The following ERG variants were observed in gnomAD, a reference collection of about 807,000 sequenced individuals.
ERG encodes ETS transcription factor ERG.
Under a neutral mutation model 55.3 loss-of-function variants are expected in ERG, and 9 were observed. The observed-to-expected ratio is 0.16, with a 90% CI of 0.10 to 0.28. ERG has a LOEUF of 0.28. Among genes scored for constraint, ERG ranks in the 10% least tolerant of loss-of-function variants. The pLI is 1.00. For synonymous variants in ERG, 223 were observed against 237.3 expected (o/e 0.94, Z 0.55); for missense variants, 434 against 631.6 (o/e 0.69, Z 3.35).
intron 2 of ERG, among the ~76,000 whole-genome samples, chr21:38,557,188 T>C (rs1209571597): frequency 1.3e-5 from 2 of 152,202 alleles, no homozygotes; most frequent in African/African-American, 4.8e-5. Context: ...GTTCTATCCT[T>C]CAGAGTGCTA....
chr21:38,445,802 T>A (rs1026043670), intron 1 of ERG, among the ~76,000 whole-genome samples, 181 bp from the exon 2 acceptor site: 1 of 152,012 alleles, frequency 6.6e-6, no homozygotes. Context: ...CAGTAAGAGT[T>A]AGAAATGCCA....
chr21:38,520,020 T>TAC (rs376769671), intron 2 of ERG, among the ~76,000 whole-genome samples: 1,808 of 137,276 alleles, frequency 0.013, 36 homozygotes, highest in African/African-American at 0.048. Flanking sequence ...CACACACACA[T>TAC]ACACACACAC....
chr21:38,422,855 T>C (rs1569085578), intron 3 of ERG, among the ~76,000 whole-genome samples: 1 of 152,230 alleles, frequency 6.6e-6, no homozygotes, highest in Non-Finnish European at 1.5e-5. Context: ...CCCACATGTT[T>C]ATTTTTCCAG....
intron 9 of ERG, among the ~76,000 whole-genome samples, chr21:38,385,678 A>G (rs1987663499): frequency 6.6e-6 from 1 of 152,234 alleles, no homozygotes; most frequent in South Asian, 2.1e-4. Flanking sequence ...TTGAAGTGGA[A>G]GCCTTTGCTT....
At chr21:38,649,236 G>GC (rs2060474504) in intron 1 of ERG, among the ~76,000 whole-genome samples, 2 of 152,154 alleles carry the variant, frequency 1.3e-5, no homozygotes, top group African/African-American at 4.8e-5. Context: ...GCTGCGGCAG[G>GC]CAGCACCCAG....
chr21:38,548,956 C>G (rs2059806275), intron 2 of ERG, among the ~76,000 whole-genome samples: 2 of 150,614 alleles, frequency 1.3e-5, no homozygotes, highest in South Asian at 4.2e-4. Flanking sequence ...TAAAAAAATA[C>G]AAAAAAATTA....
chr21:38,489,053 G>C (rs1453442741), intron 1 of ERG, among the ~76,000 whole-genome samples: 1 of 152,210 alleles, frequency 6.6e-6, no homozygotes, highest in Non-Finnish European at 1.5e-5. Context: ...TCCACTGGGA[G>C]CCCTTCCTGC....
chr21:38,573,401 G>A (rs1423267679), intron 2 of ERG, among the ~76,000 whole-genome samples: 1 of 152,208 alleles, frequency 6.6e-6, no homozygotes, highest in Non-Finnish European at 1.5e-5. Flanking sequence ...GGAACTGAAT[G>A]TCTCAGTATA....
intron 1 of ERG, among the ~76,000 whole-genome samples, chr21:38,653,811 T>C (rs1156754459): frequency 6.6e-6 from 1 of 152,232 alleles, no homozygotes; most frequent in Non-Finnish European, 1.5e-5. Flanking sequence ...AGTGCTCTCA[T>C]TTAATAGATG....
At chr21:38,499,944 C>T (rs3787906), upstream of ERG, among the ~76,000 whole-genome samples, 5,277 of 152,138 alleles carry the variant, frequency 0.035, 191 homozygotes, top group East Asian at 0.2. Context: ...GAAATCAGAA[C>T]CTAAGTTCTC....
intron 1 of ERG, among the ~76,000 whole-genome samples, chr21:38,446,184 G>A (rs2058890084): frequency 8.1e-6 from 1 of 123,192 alleles, no homozygotes. Context: ...ACAGTTTCAA[G>A]TGGTGCTTCC....
At chr21:38,602,866 A>C (rs2060172910) in intron 1 of ERG, among the ~76,000 whole-genome samples, 1 of 151,950 alleles carries the variant, frequency 6.6e-6, no homozygotes, top group Non-Finnish European at 1.5e-5. Context: ...CAAGAAAAAA[A>C]CGACGATTCC....
intron 2 of ERG, among the ~76,000 whole-genome samples, chr21:38,434,203 G>A (rs1990356143): frequency 6.6e-6 from 1 of 152,270 alleles, no homozygotes; most frequent in Non-Finnish European, 1.5e-5. Flanking sequence ...CCCAGGTACT[G>A]GAGTTATATC....
chr21:38,555,268 A>C (rs1247248785), intron 2 of ERG, among the ~76,000 whole-genome samples: 2 of 151,966 alleles, frequency 1.3e-5, no homozygotes, highest in African/African-American at 4.8e-5. Context: ...CGGAGGCTGC[A>C]GTGAGCTGAG....
downstream of ERG, among the ~76,000 whole-genome samples, chr21:38,378,117 T>C (rs1451453157): frequency 2.6e-5 from 4 of 152,206 alleles, no homozygotes; most frequent in African/African-American, 9.6e-5. Context: ...AAAGCCCTAA[T>C]GTACTGCTGA....
upstream of ERG, among the ~76,000 whole-genome samples, chr21:38,499,775 C>T (rs76003026): frequency 0.12 from 14,724 of 126,184 alleles, 956 homozygotes; most frequent in Middle Eastern, 0.19. Context: ...GGGAAGAGGG[C>T]GAGAAAAAAT....
chr21:38,368,905 A>G, the ERG span, among the ~76,000 whole-genome samples: 1 of 152,124 alleles, frequency 6.6e-6, no homozygotes, highest in African/African-American at 2.4e-5. Context: ...GTGAAGGATA[A>G]TGACCTCCAG....
At chr21:38,575,881 C>G in intron 1 of ERG, 1 of 681,444 alleles carries the variant, frequency 1.5e-6, no homozygotes, top group East Asian at 2.8e-5. Context: ...TGCCTAAAGG[C>G]ATCCTCTAGG....
chr21:38,427,465 G>A (rs1029317246), intron 2 of ERG, among the ~76,000 whole-genome samples: 4 of 152,172 alleles, frequency 2.6e-5, no homozygotes, highest in African/African-American at 4.8e-5. Context: ...TCACCACAGC[G>A]AACTGTGTTG....
Sources: gnomAD v4.1 joint callset for allele counts (sites outside exome capture counted in the v4.1 genomes callset) on GRCh38, gnomAD v4.1.1 for gene constraint, MANE v1.5 for transcripts, NCBI Gene and HGNC (gene_info 2026-07-23, HGNC 2026-07-21) for gene names.